Variants in LRRC4C observed in about 807,000 individuals in gnomAD.
The protein encoded by LRRC4C is leucine-rich repeat-containing protein 4C.
LRRC4C carries 5 observed loss-of-function variants against 33.6 expected under a neutral mutation model. That is an observed-to-expected ratio of 0.15 (90% CI 0.08 to 0.31). The LOEUF (loss-of-function observed/expected upper bound fraction) is 0.31. LRRC4C is among the 10% of genes least tolerant of loss of function. LRRC4C has a pLI of 1.00. For missense variants in LRRC4C, 560 were observed against 796.7 expected, an observed-to-expected ratio of 0.70 and a Z score of 3.58; for synonymous variants, 329 against 302.0, an observed-to-expected ratio of 1.09 and a Z score of -0.93.
chr11:40,873,657 G>C (rs1417595090), intron 2 of LRRC4C, among the ~76,000 whole-genome samples: 1 of 151,930 alleles, frequency 6.6e-6, no homozygotes, highest in Non-Finnish European at 1.5e-5. Context: ...GATCAATATC[G>C]ATCTCCCATA....
chr11:41,162,058 C>T (rs1357416717), intron 1 of LRRC4C, among the ~76,000 whole-genome samples: 5 of 152,138 alleles, frequency 3.3e-5, no homozygotes, highest in African/African-American at 9.7e-5. Flanking sequence ...ATCCACTCTG[C>T]ACCTCATGAG....
intron 4 of LRRC4C, among the ~76,000 whole-genome samples, chr11:40,262,873 C>T (rs1251858681): frequency 6.6e-6 from 1 of 151,894 alleles, no homozygotes; most frequent in African/African-American, 2.4e-5. Context: ...GGAGAAACCT[C>T]TAATGTAGGT....
intron 1 of LRRC4C, among the ~76,000 whole-genome samples, chr11:41,102,872 G>A (rs1032852609): frequency 1.3e-5 from 2 of 151,914 alleles, no homozygotes; most frequent in East Asian, 1.9e-4. Context: ...GATGTGTAAA[G>A]CTTGAATAAT....
chr11:40,392,091 A>T (rs1949360264), intron 3 of LRRC4C, among the ~76,000 whole-genome samples: 1 of 152,184 alleles, frequency 6.6e-6, no homozygotes, highest in African/African-American at 2.4e-5. Flanking sequence ...CATTCTGGGA[A>T]AGGCAGACAC....
At chr11:40,723,257 C>T (rs1309361710) in intron 2 of LRRC4C, among the ~76,000 whole-genome samples, 1 of 151,904 alleles carries the variant, frequency 6.6e-6, no homozygotes, top group East Asian at 1.9e-4. Flanking sequence ...ATTCAAGTAA[C>T]CCCTGCAAGA....
At chr11:40,182,806 C>A (rs1861112783) in intron 5 of LRRC4C, among the ~76,000 whole-genome samples, 1 of 152,156 alleles carries the variant, frequency 6.6e-6, no homozygotes. Context: ...TTTTCAGTTT[C>A]CTCCAATTGT....
intron 6 of LRRC4C, among the ~76,000 whole-genome samples, chr11:40,123,953 A>AT (rs1856015510): frequency 1.3e-5 from 2 of 152,142 alleles, no homozygotes; most frequent in African/African-American, 4.8e-5. Context: ...CAGTGAACTC[A>AT]TTTTTGACAA....
chr11:40,799,095 A>G (rs1950942720), intron 2 of LRRC4C, among the ~76,000 whole-genome samples: 1 of 152,214 alleles, frequency 6.6e-6, no homozygotes, highest in Non-Finnish European at 1.5e-5. Context: ...TTTGTTTACA[A>G]ATACATATAA....
At chr11:41,135,561 C>G (rs117778998) in intron 1 of LRRC4C, among the ~76,000 whole-genome samples, 1 of 152,240 alleles carries the variant, frequency 6.6e-6, no homozygotes, top group Non-Finnish European at 1.5e-5. Flanking sequence ...AGTGATACCA[C>G]ACTATTGATC....
chr11:41,405,876 G>A (rs1954213228), intron 1 of LRRC4C, among the ~76,000 whole-genome samples: 1 of 152,002 alleles, frequency 6.6e-6, no homozygotes, highest in Non-Finnish European at 1.5e-5. Context: ...CTTTTTGTCT[G>A]TCCTAAATGA....
intron 1 of LRRC4C, among the ~76,000 whole-genome samples, chr11:41,159,291 TA>T (rs796767209): frequency 6.6e-6 from 1 of 151,540 alleles, no homozygotes. Context: ...ACCCTGTCTC[TA>T]AAAAAAATAA....
chr11:40,143,127 T>A (rs1407027975), intron 5 of LRRC4C, among the ~76,000 whole-genome samples: 1 of 152,190 alleles, frequency 6.6e-6, no homozygotes, highest in Non-Finnish European at 1.5e-5. Context: ...CTATCACCCA[T>A]GCATTGGAAA....
intron 1 of LRRC4C, among the ~76,000 whole-genome samples, chr11:41,052,270 AAG>A (rs1299797654): frequency 6.6e-6 from 1 of 152,148 alleles, no homozygotes; most frequent in Non-Finnish European, 1.5e-5. Flanking sequence ...ATAATTTGGG[AAG>A]AGATACAAGT....
rs143320539 is a variant in LRRC4C at position 40,249,633 on chromosome 11, C to T, written c.-175-8035G>A. On this transcript the variant is annotated intron_variant, in intron 4 of 6. Coordinates refer to ENST00000528697, the MANE Select transcript of LRRC4C (RefSeq NM_001258419.2). ...ATGTATGCGTATACACATGCCCACA[C>T]GAAAAGAATAACCTTTACTGGGAAA... Among the ~76,000 whole-genome samples, 617 of 151,134 alleles carry T rather than the reference C, an allele frequency of 4.1e-3. 7 individuals carry two copies. The highest frequency in any genetic ancestry group is 0.014 in the African/African-American group (575 of 41,272).
chr11:40,921,378 T>C (rs1233469628), intron 2 of LRRC4C, among the ~76,000 whole-genome samples: 1 of 152,190 alleles, frequency 6.6e-6, no homozygotes, highest in African/African-American at 2.4e-5. Context: ...ATGTGAATGA[T>C]GTCTAGAAGC....
intron 1 of LRRC4C, among the ~76,000 whole-genome samples, chr11:41,383,783 A>T (rs1045683945): frequency 2.6e-5 from 4 of 152,026 alleles, no homozygotes; most frequent in Admixed American, 6.6e-5. Flanking sequence ...TAACTCAGTG[A>T]CCCAGATAAA....
intron 3 of LRRC4C, among the ~76,000 whole-genome samples, chr11:40,615,298 A>C (rs1339229167): frequency 6.7e-6 from 1 of 148,364 alleles, no homozygotes; most frequent in Non-Finnish European, 1.5e-5. Context: ...ATTCACATAA[A>C]CTCTCAGTAG....
chr11:40,173,020 G>A (rs778161332), intron 5 of LRRC4C, among the ~76,000 whole-genome samples: 3 of 152,174 alleles, frequency 2.0e-5, no homozygotes, highest in Non-Finnish European at 4.4e-5. Flanking sequence ...TCATGAGACT[G>A]AAGCAGTACA....
Position 40,115,556 on chromosome 11 carries a change from T to G in LRRC4C, c.737A>C (p.Gln246Pro), listed in dbSNP as rs1355880344. The G allele has an allele frequency of 6.2e-7, 1 of 1,614,194 alleles. No homozygotes were observed. The highest frequency in any genetic ancestry group is 8.5e-7 in the Non-Finnish European group (1 of 1,180,020). ...PGSFQGLMHL[Q>P]KLWMIQSQIQ... ...CTGGGACTGTATCATCCACAGTTTT[T>G]GAAGGTGCATCAAACCCTGGAAAGA... Residue 246 changes from glutamine to proline, a missense_variant, in exon 7 of 7, where the codon CAA (glutamine) becomes CCA (proline). Physicochemically the swap from Gln to Pro is moderately conservative, Grantham distance 76. Coordinates refer to ENST00000528697, the MANE Select transcript of LRRC4C (RefSeq NM_001258419.2). The surrounding 1 kb of genome is among the most constrained non-coding windows in gnomAD (Gnocchi z 6.7).
Sources: allele counts gnomAD v4.1 joint callset (sites outside exome capture counted in the v4.1 genomes callset), GRCh38; gene constraint gnomAD v4.1.1; non-coding constraint Gnocchi (gnomAD v3.1); transcripts MANE v1.5; gene names NCBI Gene and HGNC (gene_info 2026-07-23, HGNC 2026-07-21).